The following DOCK3 variants were observed in gnomAD, a reference collection of about 807,000 sequenced individuals.
DOCK3 encodes the protein dedicator of cytokinesis 3.
DOCK3 carries 60 observed loss-of-function variants against 265.6 expected under a neutral mutation model. That is an observed-to-expected ratio of 0.23 (90% confidence interval 0.18 to 0.28). The LOEUF (loss-of-function observed/expected upper bound fraction) is 0.28, where lower values mean the gene tolerates loss of function less well. DOCK3 is among the 10% of genes least tolerant of loss of function. The pLI is 1.00. For missense variants in DOCK3, 1,981 were observed against 2,594.3 expected (o/e 0.76, Z 5.14); for synonymous variants, 881 against 938.0 (o/e 0.94, Z 1.11).
chr3:51,363,136 C>T (rs2086861410), intron 49 of DOCK3, among the ~76,000 whole-genome samples: 1 of 152,236 alleles, frequency 6.6e-6, no homozygotes, highest in African/African-American at 2.4e-5. Flanking sequence ...AAGGCTTTCT[C>T]AGGAGAGATG....
At chr3:50,785,843 C>A (rs1406294993) in intron 2 of DOCK3, among the ~76,000 whole-genome samples, 1 of 151,996 alleles carries the variant, frequency 6.6e-6, no homozygotes, top group Non-Finnish European at 1.5e-5. Flanking sequence ...TTTAGGGAGT[C>A]CCTCTTTCTC....
chr3:50,913,199 A>C (rs1347969300), intron 4 of DOCK3, among the ~76,000 whole-genome samples: 3 of 151,958 alleles, frequency 2.0e-5, no homozygotes, highest in Non-Finnish European at 4.4e-5. Context: ...CCTTCCCTTC[A>C]AGGCTGCGGG....
chr3:51,199,258 A>G (rs1365092794), intron 12 of DOCK3, among the ~76,000 whole-genome samples: 1 of 152,346 alleles, frequency 6.6e-6, no homozygotes, highest in East Asian at 1.9e-4. Flanking sequence ...GGGAAGCGCA[A>G]GGGGTCAGGG....
At position 50,803,826 on chromosome 3, in the gene DOCK3, G is replaced by C. The variant is rs572394334; in HGVS notation, c.121+25068G>C. Reference sequence around the variant, plus strand: ...ACCTCCCTCCTGGAAGGGGCAGCTGGCCGGGTTGGGGCTGCCCCCCACCTC... The same window carrying C: ...ACCTCCCTCCTGGAAGGGGCAGCTGCCCGGGTTGGGGCTGCCCCCCACCTC... On this transcript the variant is annotated intron_variant, in intron 2 of 52. Coordinates refer to ENST00000266037, the MANE Select transcript of DOCK3 (RefSeq NM_004947.5). Among the ~76,000 whole-genome samples, 9 of 151,678 alleles carry C rather than the reference G, an allele frequency of 5.9e-5. No individual in the cohort carries two copies. The South Asian group carries it at 1.0e-3, about 18-fold the overall frequency.
At chr3:51,004,687 G>T (rs1575730057) in intron 5 of DOCK3, among the ~76,000 whole-genome samples, 1 of 145,642 alleles carries the variant, frequency 6.9e-6, no homozygotes, top group African/African-American at 2.5e-5. Flanking sequence ...CTACTGTAAT[G>T]CAAACTTCAT....
chr3:51,274,944 G>A, intron 24 of DOCK3, 135 bp from the exon 25 acceptor site: 1 of 989,184 alleles, frequency 1.0e-6, no homozygotes, highest in Admixed American at 1.8e-5. Flanking sequence ...TGTAAGGTAA[G>A]GAGATTACCT....
intron 5 of DOCK3, among the ~76,000 whole-genome samples, chr3:51,016,521 T>G (rs1418685031): frequency 1.2e-5 from 1 of 81,088 alleles, no homozygotes; most frequent in Non-Finnish European, 2.1e-5. Flanking sequence ...TATCATATAT[T>G]TCTATATAAT....
chr3:51,131,496 G>A (rs1266864357), intron 9 of DOCK3, among the ~76,000 whole-genome samples: 1 of 152,074 alleles, frequency 6.6e-6, no homozygotes, highest in South Asian at 2.1e-4. Context: ...CCATTCAAGG[G>A]GTTCTAGATC....
In DOCK3 at chr3:50,700,807, G is replaced by T. The variant is rs79124651; in HGVS notation, c.37+25507G>T. On this transcript the variant is annotated intron_variant, in intron 1 of 52. Coordinates refer to ENST00000266037, the MANE Select transcript of DOCK3 (RefSeq NM_004947.5). ...CTTTTGGATAGATACTCGGTAGTGA[G>T]ATTGCTAGACCATATGGAAGTTCTG... 5.9e-3 allele frequency among the ~76,000 whole-genome samples: 893 copies of T among 152,292 alleles called. 5 individuals carry two copies. The highest frequency in any genetic ancestry group is 0.02 in the African/African-American group (834 of 41,544).
chr3:51,239,825 T>G (rs1409205035), intron 21 of DOCK3, among the ~76,000 whole-genome samples: 1 of 152,112 alleles, frequency 6.6e-6, no homozygotes, highest in Non-Finnish European at 1.5e-5. Flanking sequence ...TCTGATTGTA[T>G]TTATTAGAAT....
chr3:51,099,998 T>C (rs1576073125), intron 9 of DOCK3, among the ~76,000 whole-genome samples: 1 of 151,782 alleles, frequency 6.6e-6, no homozygotes, highest in Non-Finnish European at 1.5e-5. Context: ...ATCAAATTAC[T>C]GGCAGCCATG....
intron 10 of DOCK3, among the ~76,000 whole-genome samples, chr3:51,156,375 T>C (rs1364402619): frequency 1.3e-5 from 2 of 152,232 alleles, no homozygotes; most frequent in East Asian, 3.8e-4. Flanking sequence ...ATCTAATTCC[T>C]GCCATGTAAT....
chr3:51,112,902 G>T (rs1226831824), intron 9 of DOCK3, among the ~76,000 whole-genome samples: 2 of 152,184 alleles, frequency 1.3e-5, no homozygotes, highest in Non-Finnish European at 2.9e-5. Flanking sequence ...GACTCTGTTG[G>T]ATTTTGGGTA....
intron 12 of DOCK3, among the ~76,000 whole-genome samples, chr3:51,178,750 A>C (rs2087114932): frequency 6.6e-6 from 1 of 152,244 alleles, no homozygotes; most frequent in South Asian, 2.1e-4. Context: ...AGTTATAGTC[A>C]ACTTACTAGA....
intron 14 of DOCK3, among the ~76,000 whole-genome samples, chr3:51,216,479 AG>A (rs1276544408): frequency 1.3e-5 from 2 of 152,202 alleles, no homozygotes; most frequent in African/African-American, 2.4e-5. Context: ...TGGCAGGCCC[AG>A]GGTGGGGCTG....
rs576148989 is a variant in DOCK3, at chr3:50,819,783, G to A, written c.122-21892G>A. Among the ~76,000 whole-genome samples, 8 of 152,226 alleles carry A rather than the reference G, an allele frequency of 5.3e-5. No homozygotes were observed. The South Asian group carries it at 6.2e-4, about 12-fold the overall frequency. ...TTGAGACCAGCCTGGCCAACATGGC[G>A]AAACCCCGTCTCTACTAAAAATACA... On this transcript the variant is annotated intron_variant, in intron 2 of 52. Transcript: ENST00000266037.
chr3:50,951,093 T>C (rs749621976), intron 5 of DOCK3, among the ~76,000 whole-genome samples: 2 of 152,208 alleles, frequency 1.3e-5, no homozygotes, highest in African/African-American at 2.4e-5. Context: ...CCCTCATTTA[T>C]TGATGATTTA....
intron 16 of DOCK3, 79 bp downstream of exon 16, chr3:51,227,524 G>C: frequency 2.6e-6 from 4 of 1,556,474 alleles, no homozygotes; most frequent in Non-Finnish European, 3.5e-6. Flanking sequence ...GAATTAAGTG[G>C]ATTCTTATTT....
At chr3:51,180,156 C>T (rs1482946461) in intron 12 of DOCK3, among the ~76,000 whole-genome samples, 4 of 144,548 alleles carry the variant, frequency 2.8e-5, no homozygotes, top group African/African-American at 7.7e-5. Context: ...TGCAGTGAGC[C>T]GAGATCACGC....
Sources: gnomAD v4.1 joint callset for allele counts (sites outside exome capture counted in the v4.1 genomes callset) on GRCh38, gnomAD v4.1.1 for gene constraint, MANE v1.5 for transcripts, NCBI Gene and HGNC (gene_info 2026-07-23, HGNC 2026-07-21) for gene names.